The following NDUFAF2 variants were observed in gnomAD, a reference collection of about 807,000 sequenced individuals.
NDUFAF2 encodes NADH dehydrogenase [ubiquinone] 1 alpha subcomplex assembly factor 2.
Under a neutral mutation model 22.8 loss-of-function variants are expected in NDUFAF2, and 13 were observed. The ratio of observed to expected loss-of-function variants is 0.57; its 90% CI spans 0.37 to 0.91. NDUFAF2 has a LOEUF of 0.91. NDUFAF2 is among the 40% of genes least tolerant of loss of function. The probability of loss-of-function intolerance (pLI) is 0.01; values close to 1 mark genes in which losing one functional copy is unlikely to be tolerated. For missense variants in NDUFAF2, 162 were observed against 195.2 expected (o/e 0.83, Z 1.01); for synonymous variants, 53 against 64.2 (o/e 0.83, Z 0.84).
At chr5:60,948,251 G>A (rs1230894328) in intron 1 of NDUFAF2, among the ~76,000 whole-genome samples, 2 of 151,942 alleles carry the variant, frequency 1.3e-5, no homozygotes, top group African/African-American at 2.4e-5. Context: ...ATGGAGTCTC[G>A]CCCTGTCGCC....
At chr5:61,133,185 G>C (rs1019028376) in intron 3 of NDUFAF2, among the ~76,000 whole-genome samples, 14 of 152,150 alleles carry the variant, frequency 9.2e-5, no homozygotes, top group African/African-American at 3.4e-4. Context: ...ATTTGTTATT[G>C]TAGTTGTGCT....
intron 1 of NDUFAF2, among the ~76,000 whole-genome samples, chr5:60,974,763 G>A (rs950087398): frequency 6.6e-6 from 1 of 152,174 alleles, no homozygotes; most frequent in African/African-American, 2.4e-5. Flanking sequence ...ATTGTGACAA[G>A]AGCCAGTAGG....
intron 1 of NDUFAF2, among the ~76,000 whole-genome samples, chr5:60,957,335 G>C (rs56306823): frequency 0.02 from 3,052 of 152,104 alleles, 122 homozygotes; most frequent in African/African-American, 0.07. Context: ...AAACATTTCA[G>C]TATGTATCTT....
intron 1 of NDUFAF2, among the ~76,000 whole-genome samples, chr5:61,036,625 A>G (rs1751804021): frequency 1.3e-5 from 2 of 152,186 alleles, no homozygotes. Context: ...GAGGGAAACT[A>G]CAAGGTATAG....
chr5:61,125,469 T>G (rs1221722872), intron 3 of NDUFAF2, among the ~76,000 whole-genome samples: 2 of 152,078 alleles, frequency 1.3e-5, no homozygotes, highest in African/African-American at 4.8e-5. Context: ...CTCAAAATCT[T>G]TTGCATCATT....
At chr5:61,028,987 G>A (rs1751690675) in intron 1 of NDUFAF2, among the ~76,000 whole-genome samples, 2 of 138,836 alleles carry the variant, frequency 1.4e-5, no homozygotes, top group South Asian at 2.1e-4. Context: ...ACTCTTTGCC[G>A]TCTTATGGAA....
chr5:60,974,063 G>A (rs1386202635), intron 1 of NDUFAF2, among the ~76,000 whole-genome samples: 1 of 152,210 alleles, frequency 6.6e-6, no homozygotes, highest in Admixed American at 6.5e-5. Context: ...CAGTATGTCT[G>A]TGAGGACATA....
At chr5:61,117,422 C>T in intron 3 of NDUFAF2, among the ~76,000 whole-genome samples, 1 of 152,180 alleles carries the variant, frequency 6.6e-6, no homozygotes, top group Non-Finnish European at 1.5e-5. Flanking sequence ...GTGGCACTGT[C>T]ATAGCTTACT....
At chr5:60,989,236 A>G (rs536527883) in intron 1 of NDUFAF2, among the ~76,000 whole-genome samples, 1 of 152,322 alleles carries the variant, frequency 6.6e-6, no homozygotes, top group East Asian at 1.9e-4. Context: ...CAGAATGGCT[A>G]TTATTTTAAA....
chr5:61,102,715 G>T (rs1290498997), intron 3 of NDUFAF2, among the ~76,000 whole-genome samples: 1 of 151,978 alleles, frequency 6.6e-6, no homozygotes, highest in Non-Finnish European at 1.5e-5. Flanking sequence ...CAAAAGACTA[G>T]GAGAAAATAA....
At chr5:61,036,938 G>T (rs563865471) in intron 1 of NDUFAF2, among the ~76,000 whole-genome samples, 2 of 152,200 alleles carry the variant, frequency 1.3e-5, no homozygotes, top group Non-Finnish European at 2.9e-5. Context: ...CTGGGGCAGG[G>T]GTCAGAAGGG....
intron 2 of NDUFAF2, among the ~76,000 whole-genome samples, chr5:61,081,950 A>T (rs988596522): frequency 1.3e-5 from 2 of 152,266 alleles, no homozygotes; most frequent in Non-Finnish European, 1.5e-5. Flanking sequence ...ATGTATTTGG[A>T]CAAAGTATGC....
At chr5:61,129,110 G>C (rs530989798) in intron 3 of NDUFAF2, among the ~76,000 whole-genome samples, 2 of 152,284 alleles carry the variant, frequency 1.3e-5, no homozygotes, top group East Asian at 3.9e-4. Flanking sequence ...TATCACACCA[G>C]TTAGAATGGC....
At chr5:60,980,408 C>G (rs900596263) in intron 1 of NDUFAF2, among the ~76,000 whole-genome samples, 6 of 152,120 alleles carry the variant, frequency 3.9e-5, no homozygotes, top group African/African-American at 1.4e-4. Flanking sequence ...TGATGTAATC[C>G]TATTCCTATT....
At chr5:61,104,390 T>A (rs295561) in intron 3 of NDUFAF2, among the ~76,000 whole-genome samples, 5 of 151,866 alleles carry the variant, frequency 3.3e-5, no homozygotes, top group Non-Finnish European at 7.4e-5. Context: ...ATATGGTTTA[T>A]TATAGGTTTA....
intron 3 of NDUFAF2, among the ~76,000 whole-genome samples, chr5:61,150,312 A>G (rs1741211752): frequency 1.3e-5 from 2 of 152,112 alleles, no homozygotes; most frequent in South Asian, 4.1e-4. Flanking sequence ...GGTACCAGTT[A>G]TGTTTTTGGT....
intron 3 of NDUFAF2, among the ~76,000 whole-genome samples, chr5:61,144,186 A>T (rs999883972): frequency 4.6e-5 from 7 of 152,144 alleles, no homozygotes; most frequent in African/African-American, 1.7e-4. Flanking sequence ...ATATTACACC[A>T]TCAGCATCAT....
At chr5:61,071,972 A>T (rs1752304927) in intron 1 of NDUFAF2, among the ~76,000 whole-genome samples, 1 of 152,234 alleles carries the variant, frequency 6.6e-6, no homozygotes, top group South Asian at 2.1e-4. Context: ...TAAAATATGC[A>T]CTAATCAACT....
chr5:61,150,718 C>A (rs540461164), intron 3 of NDUFAF2, among the ~76,000 whole-genome samples: 17 of 152,230 alleles, frequency 1.1e-4, no homozygotes, highest in African/African-American at 4.1e-4. Context: ...TATCCTCTTG[C>A]TGCTTGAGGT....
Sources: allele counts gnomAD v4.1 joint callset (sites outside exome capture counted in the v4.1 genomes callset), GRCh38; gene constraint gnomAD v4.1.1; transcripts MANE v1.5; gene names NCBI Gene and HGNC (gene_info 2026-07-23, HGNC 2026-07-21).